CLCF1: variants seen among roughly 807,000 people sequenced by gnomAD.
CLCF1 encodes cardiotrophin-like cytokine factor 1.
A neutral mutation model predicts 21.2 loss-of-function variants in CLCF1; 10 were observed. That is an observed-to-expected ratio of 0.47 (90% CI 0.29 to 0.80). The LOEUF (loss-of-function observed/expected upper bound fraction) is 0.80. Among genes scored for constraint, CLCF1 ranks in the 30% least tolerant of loss-of-function variants. The pLI, the probability that CLCF1 is intolerant of heterozygous loss-of-function variation, is 0.09. For missense variants in CLCF1, 240 were observed against 293.4 expected (o/e 0.82, Z 1.33); for synonymous variants, 115 against 120.5 (o/e 0.95, Z 0.30).
upstream of CLCF1, chr11:67,373,831 C>G: frequency 9.4e-7 from 1 of 1,063,304 alleles, no homozygotes; most frequent in Non-Finnish European, 1.2e-6. Context: ...CCTCTCCCTC[C>G]CACAGCACCG....
chr11:67,373,487 G>T, intron 1 of CLCF1, 37 bp downstream of exon 1: 1 of 1,124,230 alleles, frequency 8.9e-7, no homozygotes, highest in Non-Finnish European at 1.2e-6. Flanking sequence ...GCTGCTTGGC[G>T]GGGCGGGGGT....
chr11:67,366,664 G>A (rs1343630517), intron 2 of CLCF1, among the ~76,000 whole-genome samples: 4 of 152,120 alleles, frequency 2.6e-5, no homozygotes, highest in Non-Finnish European at 5.9e-5. Flanking sequence ...ATAGGCAAGG[G>A]CCCAGGGGGA....
chr11:67,373,540 G>T lies in CLCF1; in HGVS notation c.-1C>A. 7.1e-7 allele frequency: 1 copy of T among 1,413,326 alleles called. No homozygotes were observed. The highest frequency in any genetic ancestry group is 3.0e-5 in the Admixed American group (1 of 33,218). 87.5% of individuals were successfully genotyped at this position (1,413,326 alleles called of 1,614,324 possible). A position where few individuals can be genotyped will look rare whatever the true frequency, so the allele number is the denominator to read the frequency against. ...GGCTCCTACCTGCTCGGAGGTCCATGGGGCTGGGGCCGGGCCGGCCGGGTG... is the reference window on the plus strand; with the variant it reads ...GGCTCCTACCTGCTCGGAGGTCCATTGGGCTGGGGCCGGGCCGGCCGGGTG... On this transcript the variant is annotated 5_prime_UTR_variant, in exon 1 of 3. Coordinates refer to ENST00000312438, the MANE Select transcript of CLCF1 (RefSeq NM_013246.3).
intron 1 of CLCF1, chr11:67,370,212 C>T (rs1305442841): frequency 1.7e-5 from 17 of 985,246 alleles, no homozygotes; most frequent in South Asian, 4.7e-5. Flanking sequence ...GGGAAAGCAG[C>T]GTGGGGTGAA....
intron 1 of CLCF1, chr11:67,370,378 C>A (rs1294122371): frequency 2.0e-6 from 2 of 984,854 alleles, no homozygotes; most frequent in South Asian, 9.4e-5. Flanking sequence ...CTAGGTCCCC[C>A]TCTCCCCCTC....
upstream of CLCF1, chr11:67,374,105 CCCT>C: frequency 1.0e-6 from 1 of 985,902 alleles, no homozygotes; most frequent in Non-Finnish European, 1.2e-6. Context: ...CTCTAACCTT[CCCT>C]CCTCCTCCCC....
chr11:67,373,540 G>A lies in CLCF1; in HGVS notation c.-1C>T. ...GGCTCCTACCTGCTCGGAGGTCCAT[G>A]GGGCTGGGGCCGGGCCGGCCGGGTG... On this transcript the variant is annotated 5_prime_UTR_variant, in exon 1 of 3. Transcript: ENST00000312438. 1 of 1,413,326 alleles carries A rather than the reference G, an allele frequency of 7.1e-7. No homozygotes were observed. Among genetic ancestry groups the A allele is most frequent in the South Asian group, 1.5e-5 (1 of 68,618 alleles). 87.5% of individuals were successfully genotyped at this position (1,413,326 alleles called of 1,614,324 possible).
intron 2 of CLCF1, among the ~76,000 whole-genome samples, chr11:67,367,101 G>C (rs1408139187): frequency 1.3e-5 from 2 of 152,098 alleles, no homozygotes; most frequent in African/African-American, 4.8e-5. Flanking sequence ...AGGCATGGGA[G>C]GTGGGGCCCC....
Position 67,373,564 on chromosome 11 carries a change from T to A in CLCF1, c.-25A>T. ...TGGGGCTGGGGCCGGGCCGGCCGGG[T>A]GCGGCTCCTCTCCCGGAGGCTGGCG... On this transcript the variant is annotated 5_prime_UTR_variant, in exon 1 of 3. Transcript: ENST00000312438. 1.5e-6 allele frequency: 2 copies of A among 1,364,684 alleles called. No homozygotes were observed. Among genetic ancestry groups the A allele is most frequent in the Non-Finnish European group, 1.9e-6 (2 of 1,058,524 alleles). 84.5% of individuals were successfully genotyped at this position (1,364,684 alleles called of 1,614,324 possible).
In CLCF1 at chr11:67,365,446, T is replaced by A; in HGVS notation, c.368A>T (p.Gln123Leu). ...GCGGCGCAGCTCAGCAGTGGCAGCC[T>A]GACGGTTGAGGCCACGCAAGTAACA... ...LLCYLRGLNR[Q>L]AATAELRRSL... The change falls in exon 3 of 3, where the codon CAG becomes CTG. Residue 123 changes from glutamine (Q) to leucine (L), a missense_variant. By Grantham distance (113) the Gln-to-Leu change is moderately radical (BLOSUM62 -2). Transcript: ENST00000312438. The surrounding 1 kb of genome is among the most constrained non-coding windows in gnomAD (Gnocchi z 5.0). The A allele has an allele frequency of 6.2e-7, 1 of 1,613,864 alleles. No homozygotes were observed. The highest frequency in any genetic ancestry group is 8.5e-7 in the Non-Finnish European group (1 of 1,179,894).
upstream of CLCF1, chr11:67,374,041 A>G (rs925381984): frequency 4.9e-5 from 48 of 987,478 alleles, no homozygotes; most frequent in Admixed American, 1.2e-4. Flanking sequence ...CCCTGATCCA[A>G]CCTACCTCTG....
upstream of CLCF1, chr11:67,373,649 C>A: frequency 8.0e-7 from 1 of 1,257,426 alleles, no homozygotes; most frequent in Non-Finnish European, 1.0e-6. Flanking sequence ...GCCAGGCCCA[C>A]TCGCAGGTTT....
intron 1 of CLCF1, chr11:67,368,514 T>C (rs1862164020): frequency 2.0e-6 from 2 of 985,074 alleles, no homozygotes; most frequent in South Asian, 9.4e-5. Context: ...TAAGGAGGGA[T>C]GTGGGCAGTG....
At chr11:67,371,071 G>T (rs1357103497) in intron 1 of CLCF1, 1 of 985,134 alleles carries the variant, frequency 1.0e-6, no homozygotes, top group Non-Finnish European at 1.2e-6. Context: ...GGTGAGGAGT[G>T]GGCTAGGGAT....
chr11:67,367,590 A>C lies in CLCF1; in HGVS notation c.53T>G (p.Val18Gly). The change falls in exon 2 of 3, where the codon GTG becomes GGG. Residue 18 changes from valine to glycine, a missense_variant. Physicochemically the swap from Val to Gly is moderately radical, Grantham distance 109. Coordinates refer to ENST00000312438, the MANE Select transcript of CLCF1 (RefSeq NM_013246.3). ...TGGCACTGCAGGGAGGTGCCAGAGC[A>C]CCGTGCACAGGCACGCTAACATCCC... ...SWGMLACLCT[V>G]LWHLPAVPAL... 2 of 1,613,798 alleles carry C rather than the reference A, an allele frequency of 1.2e-6. No individual in the cohort carries two copies. Among genetic ancestry groups the C allele is most frequent in the Non-Finnish European group, 1.7e-6 (2 of 1,179,940 alleles).
At chr11:67,373,426 C>T (rs925154967) in intron 1 of CLCF1, 98 bp downstream of exon 1, 2 of 643,204 alleles carry the variant, frequency 3.1e-6, no homozygotes, top group Admixed American at 3.9e-5. Flanking sequence ...CTGGCCCGGC[C>T]CCGGCGCGGG....
Position 67,372,756 on chromosome 11 carries a change from G to A in CLCF1, c.16+768C>T, listed in dbSNP as rs1403667962. ...TCCCGCCGCTCCCTGGCCAGTGACA[G>A]ACTTTTTCCTGCCGGGTCCGGCCCG... On this transcript the variant is annotated intron_variant, in intron 1 of 2. Transcript: ENST00000312438. This position sits in a 1 kb window ranked among gnomAD's most constrained non-coding sequence, Gnocchi z 5.9. Among the ~76,000 whole-genome samples, 5 of 150,328 alleles carry A rather than the reference G, an allele frequency of 3.3e-5. No individual in the cohort carries two copies. Among genetic ancestry groups the A allele is most frequent in the African/African-American group, 4.9e-5 (2 of 41,162 alleles).
At chr11:67,368,912 C>CTATT (rs1554978243) in intron 1 of CLCF1, 1 of 561,548 alleles carries the variant, frequency 1.8e-6, no homozygotes, top group African/African-American at 2.8e-5. Context: ...TTTTTTTTTC[C>CTATT]TTTTTTTTTT....
chr11:67,373,278 A>G (rs1374688156), intron 1 of CLCF1, among the ~76,000 whole-genome samples: 1 of 150,362 alleles, frequency 6.7e-6, no homozygotes, highest in African/African-American at 2.5e-5. Context: ...CCGCCTCCCC[A>G]GGTCTGCGAT....
Sources: allele counts gnomAD v4.1 joint callset (sites outside exome capture counted in the v4.1 genomes callset), GRCh38; gene constraint gnomAD v4.1.1; non-coding constraint Gnocchi (gnomAD v3.1); transcripts MANE v1.5; gene names NCBI Gene and HGNC (gene_info 2026-07-23, HGNC 2026-07-21).